Variants in CCSER1 observed in about 807,000 individuals in gnomAD.
CCSER1 encodes the protein coiled-coil serine rich protein 1.
A neutral mutation model predicts 82.0 loss-of-function variants in CCSER1; 41 were observed. The observed-to-expected ratio is 0.50, with a 90% CI of 0.39 to 0.65. CCSER1 has a LOEUF of 0.65. Ranked by LOEUF, CCSER1 falls within the 30% of genes least tolerant of loss-of-function variation. The probability of loss-of-function intolerance (pLI) is 0.00; values close to 1 mark genes in which losing one functional copy is unlikely to be tolerated. For synonymous variants in CCSER1, 414 were observed against 383.9 expected (o/e 1.08, Z -0.92); for missense variants, 1,119 against 1,064.2 (o/e 1.05, Z -0.72).
chr4:90,704,822 C>T (rs988312857), intron 6 of CCSER1, among the ~76,000 whole-genome samples: 1 of 152,168 alleles, frequency 6.6e-6, no homozygotes, highest in African/African-American at 2.4e-5. Context: ...TTTTCAGCTC[C>T]ATCAGGTCAT....
At chr4:91,175,904 C>G (rs1290373243) in intron 10 of CCSER1, among the ~76,000 whole-genome samples, 3 of 152,176 alleles carry the variant, frequency 2.0e-5, no homozygotes, top group Non-Finnish European at 4.4e-5. Flanking sequence ...TTGCCCATGC[C>G]TATGTCCTGA....
At chr4:90,646,996 C>G (rs1234167703) in intron 6 of CCSER1, among the ~76,000 whole-genome samples, 1 of 152,020 alleles carries the variant, frequency 6.6e-6, no homozygotes, top group African/African-American at 2.4e-5. Flanking sequence ...AAATGATAGC[C>G]CAGGATAAAT....
intron 10 of CCSER1, among the ~76,000 whole-genome samples, chr4:91,210,338 A>G (rs953636261): frequency 2.6e-5 from 4 of 151,440 alleles, no homozygotes; most frequent in Admixed American, 6.6e-5. Context: ...CTATCAGTAA[A>G]TAAAGGAATA....
intron 10 of CCSER1, among the ~76,000 whole-genome samples, chr4:91,447,319 C>T (rs563426599): frequency 6.6e-6 from 1 of 152,146 alleles, no homozygotes; most frequent in African/African-American, 2.4e-5. Flanking sequence ...GACTAGTGCT[C>T]CTTGTCTTTT....
At chr4:91,036,784 T>A (rs982847497) in intron 9 of CCSER1, among the ~76,000 whole-genome samples, 3 of 152,110 alleles carry the variant, frequency 2.0e-5, no homozygotes, top group African/African-American at 7.2e-5. Context: ...GGGTGAACTA[T>A]AGTGGGAAAA....
At chr4:90,953,067 A>AT (rs1440297026) in intron 9 of CCSER1, among the ~76,000 whole-genome samples, 2 of 151,834 alleles carry the variant, frequency 1.3e-5, no homozygotes, top group Non-Finnish European at 2.9e-5. Context: ...TATTTATATT[A>AT]TTTTCTGTAT....
At position 90,610,729 on chromosome 4, in the gene CCSER1, CAT is replaced by C. The variant is rs1785357223; in HGVS notation, c.1725-17294_1725-17293del. Among the ~76,000 whole-genome samples the C allele has an allele frequency of 2.0e-5, 3 of 152,114 alleles. No homozygotes were observed. The South Asian group carries it at 6.2e-4, about 32-fold the overall frequency. On this transcript the variant is annotated intron_variant, in intron 5 of 10. Transcript: ENST00000509176. ...ATATTTTTATGTGAAAAGCTACACA[CAT>C]AACAATGAAGGCAAATATTATCAAA...
chr4:90,418,019 A>C (rs1756077216), intron 4 of CCSER1, among the ~76,000 whole-genome samples: 1 of 152,178 alleles, frequency 6.6e-6, no homozygotes, highest in Admixed American at 6.5e-5. Context: ...TTTGAAGTAT[A>C]ACATAATGGT....
In CCSER1 at chr4:91,594,510, ATATC is replaced by A. The variant is rs542717636; in HGVS notation, c.2218-4052_2218-4049del. Among the ~76,000 whole-genome samples the A allele has an allele frequency of 2.9e-3, 436 of 150,466 alleles. 2 individuals carry two copies. The highest frequency in any genetic ancestry group is 5.4e-3 in the African/African-American group (223 of 41,154). On this transcript the variant is annotated intron_variant, in intron 10 of 10. Transcript: ENST00000509176. Reference sequence around the variant, plus strand: ...ATATATACCCAAATCAGATCTATCTATATCTATCTATCTTAGATTCCCATCCTTC... The same window carrying A: ...ATATATACCCAAATCAGATCTATCTATATCTATCTTAGATTCCCATCCTTC...
intron 7 of CCSER1, among the ~76,000 whole-genome samples, chr4:90,806,723 A>G (rs1757561629): frequency 6.6e-6 from 1 of 152,202 alleles, no homozygotes; most frequent in South Asian, 2.1e-4. Flanking sequence ...ACAAGGGAGT[A>G]GTACAAGAGC....
At chr4:91,454,366 G>A (rs1756032514) in intron 10 of CCSER1, among the ~76,000 whole-genome samples, 1 of 151,940 alleles carries the variant, frequency 6.6e-6, no homozygotes, top group South Asian at 2.1e-4. Flanking sequence ...CATCTTTAAA[G>A]CCAGCAGTAT....
chr4:90,571,714 A>G (rs1344440620), intron 5 of CCSER1, among the ~76,000 whole-genome samples: 1 of 152,182 alleles, frequency 6.6e-6, no homozygotes, highest in Non-Finnish European at 1.5e-5. Flanking sequence ...TACCCTTATA[A>G]CAAACTGGTA....
chr4:90,847,235 A>G (rs553158734), intron 8 of CCSER1, among the ~76,000 whole-genome samples: 9 of 152,306 alleles, frequency 5.9e-5, no homozygotes, highest in Middle Eastern at 3.4e-3. Flanking sequence ...TGGGACATAT[A>G]TATTAGTAAA....
rs147910382 is a variant in CCSER1 at position 90,128,827 on chromosome 4, TTCTC to T, written c.-42+1011_-42+1014del. Among the ~76,000 whole-genome samples the T allele has an allele frequency of 2.7e-5, 4 of 150,200 alleles. No homozygotes were observed. In the South Asian group the frequency reaches 6.3e-4, roughly 24 times the overall value. ...TTTAGTGTATCCTGAACTGCTCTCTTTCTCTCTCTCTCTCTCTCCTCTCCCTGCC... is the reference window on the plus strand; with the variant it reads ...TTTAGTGTATCCTGAACTGCTCTCTTTCTCTCTCTCTCTCCTCTCCCTGCC... On this transcript the variant is annotated intron_variant, in intron 1 of 10. Coordinates refer to ENST00000509176, the MANE Select transcript of CCSER1 (RefSeq NM_001145065.2).
chr4:90,941,039 T>G (rs987487709), intron 9 of CCSER1, among the ~76,000 whole-genome samples: 14 of 152,212 alleles, frequency 9.2e-5, no homozygotes, highest in Admixed American at 4.6e-4. Context: ...CAAGTACTCT[T>G]TATGAACTAG....
intron 10 of CCSER1, among the ~76,000 whole-genome samples, chr4:91,314,663 C>T (rs1037312340): frequency 6.6e-6 from 1 of 151,910 alleles, no homozygotes; most frequent in South Asian, 2.1e-4. Context: ...ACTCAAGCTC[C>T]CCACTTTTCC....
At chr4:90,911,929 G>A (rs1406910226) in intron 8 of CCSER1, among the ~76,000 whole-genome samples, 1 of 152,324 alleles carries the variant, frequency 6.6e-6, no homozygotes, top group African/African-American at 2.4e-5. Flanking sequence ...GCGAGGCTGG[G>A]GGAGGGGCGC....
At chr4:90,842,215 C>T (rs1220342906) in intron 8 of CCSER1, among the ~76,000 whole-genome samples, 1 of 152,140 alleles carries the variant, frequency 6.6e-6, no homozygotes, top group Non-Finnish European at 1.5e-5. Flanking sequence ...ATATTTTCTT[C>T]TGTCTTTTAA....
At chr4:90,153,773 T>G (rs897042066) in intron 1 of CCSER1, among the ~76,000 whole-genome samples, 4 of 152,226 alleles carry the variant, frequency 2.6e-5, no homozygotes, top group African/African-American at 9.6e-5. Flanking sequence ...TTGTAGATTC[T>G]GGATATTAGC....
Sources: allele counts gnomAD v4.1 joint callset (sites outside exome capture counted in the v4.1 genomes callset), GRCh38; gene constraint gnomAD v4.1.1; transcripts MANE v1.5; gene names NCBI Gene and HGNC (gene_info 2026-07-23, HGNC 2026-07-21).